The following MYLK3 variants were observed in gnomAD, a reference collection of about 807,000 sequenced individuals.
The protein encoded by MYLK3 is myosin light chain kinase 3.
MYLK3 carries 55 observed loss-of-function variants against 76.3 expected under a neutral mutation model. That is an observed-to-expected ratio of 0.72 (90% CI 0.58 to 0.90). The LOEUF is 0.90. Among genes scored for constraint, MYLK3 ranks in the 40% least tolerant of loss-of-function variants. MYLK3 has a pLI of 0.00. For missense variants in MYLK3, 973 were observed against 1,053.6 expected (o/e 0.92, Z 1.06); for synonymous variants, 416 against 425.4 (o/e 0.98, Z 0.27).
Position 46,740,163 on chromosome 16 carries a change from TA to T in MYLK3, c.478-17del, listed in dbSNP as rs769240540. ...GCTCTTTATTCTAAAATAACAACCA[TA>T]AAAAATGTCATCATTATCATCAACA... On this transcript the variant is annotated splice_polypyrimidine_tract_variant and intron_variant, in intron 1 of 12. Transcript: ENST00000394809. 3.1e-6 allele frequency: 5 copies of T among 1,605,850 alleles called. No homozygotes were observed. In the Admixed American group the frequency reaches 6.7e-5, roughly 21 times the overall value.
intron 3 of MYLK3, among the ~76,000 whole-genome samples, chr16:46,735,308 A>G (rs955717566): frequency 6.6e-6 from 1 of 151,920 alleles, no homozygotes; most frequent in Non-Finnish European, 1.5e-5. Context: ...CAGGTTCAAG[A>G]GATTCTCCTG....
intron 9 of MYLK3, among the ~76,000 whole-genome samples, chr16:46,720,365 AATTTTTGT>A (rs1966787142): frequency 6.6e-6 from 1 of 152,028 alleles, no homozygotes; most frequent in South Asian, 2.1e-4. Flanking sequence ...ATGCTGGGCT[AATTTTTGT>A]ATTTTTTGTA....
chr16:46,748,145 A>G lies in MYLK3; in HGVS notation c.49T>C (p.Leu17=). ...ATGGTTGTTAAGCAGGTCTTGCCCAACCCTGGCAGCCCCCCATGCCCCAGA... is the reference window on the plus strand; with the variant it reads ...ATGGTTGTTAAGCAGGTCTTGCCCAGCCCTGGCAGCCCCCCATGCCCCAGA... ...ESLGHGGLPG[L]GKTCLTTMDT... is the part of the protein sequence containing the mutation. Residue 17 remains leucine (L), a synonymous_variant, in exon 1 of 13, where the codon TTG becomes CTG. Transcript: ENST00000394809. The surrounding 1 kb of genome is among the most constrained non-coding windows in gnomAD (Gnocchi z 4.3). The G allele has an allele frequency of 1.9e-6, 3 of 1,614,110 alleles. No individual in the cohort carries two copies. Among genetic ancestry groups the G allele is most frequent in the Non-Finnish European group, 2.5e-6 (3 of 1,180,000 alleles).
chr16:46,757,614 T>A (rs1033072198), intron 1 of MYLK3: 6 of 985,202 alleles, frequency 6.1e-6, no homozygotes, highest in Non-Finnish European at 2.4e-6. Context: ...CTGGCCAGGA[T>A]GATTTCTCTG....
chr16:46,759,596 T>C (rs1325737154), intron 1 of MYLK3, among the ~76,000 whole-genome samples: 1 of 152,146 alleles, frequency 6.6e-6, no homozygotes, highest in African/African-American at 2.4e-5. Flanking sequence ...TGCAGCTTTC[T>C]TTTCTTTCCT....
chr16:46,747,841 A>T lies in MYLK3; in HGVS notation c.353T>A (p.Val118Glu). Reference protein sequence around the residue: ...GARLEALFRMVAAVDRAIALV... With the variant: ...GARLEALFRMEAAVDRAIALV... ...AGCGATGGCCCTGTCCACCGCAGCCACCATCCTGAAGAGGGCCTCCAGCCT... is the reference window on the plus strand; with the variant it reads ...AGCGATGGCCCTGTCCACCGCAGCCTCCATCCTGAAGAGGGCCTCCAGCCT... The change falls in exon 1 of 13, where the codon GTG becomes GAG. Residue 118 changes from valine (V) to glutamate (E), a missense_variant. Around this residue, in one of 2 missense-constraint regions of MYLK3, gnomAD observed 641 missense variants for 637.0 expected, o/e 1.01. Coordinates refer to ENST00000394809, the MANE Select transcript of MYLK3 (RefSeq NM_182493.3). 6.2e-7 allele frequency: 1 copy of T among 1,614,138 alleles called. No homozygotes were observed. The highest frequency in any genetic ancestry group is 8.5e-7 in the Non-Finnish European group (1 of 1,180,010).
At chr16:46,755,911 T>C (rs1369437228) in intron 1 of MYLK3, among the ~76,000 whole-genome samples, 2 of 140,504 alleles carry the variant, frequency 1.4e-5, no homozygotes, top group African/African-American at 5.2e-5. Flanking sequence ...TCTTTCTTTT[T>C]TTTTTTTTTT....
At chr16:46,757,728 G>A (rs1214314990) in intron 1 of MYLK3, among the ~76,000 whole-genome samples, 1 of 152,238 alleles carries the variant, frequency 6.6e-6, no homozygotes, top group Non-Finnish European at 1.5e-5. Context: ...CTGCCTTGCT[G>A]GGCTCTATCT....
chr16:46,730,474 G>T, intron 5 of MYLK3, 119 bp downstream of exon 5: 1 of 783,334 alleles, frequency 1.3e-6, no homozygotes, highest in East Asian at 2.6e-5. Context: ...CCCCAGCCTT[G>T]GCTCCATCAG....
chr16:46,758,506 T>C (rs1475944273), intron 1 of MYLK3, among the ~76,000 whole-genome samples: 4 of 152,024 alleles, frequency 2.6e-5, no homozygotes, highest in Admixed American at 2.0e-4. Flanking sequence ...GTCATCCCCA[T>C]TTCACAGAGG....
In MYLK3 at chr16:46,727,271, G is replaced by C. The variant is rs1966844518; in HGVS notation, c.1879C>G (p.Leu627Val). 3 of 1,614,122 alleles carry C rather than the reference G, an allele frequency of 1.9e-6. No individual in the cohort carries two copies. In the East Asian group the frequency reaches 6.7e-5, roughly 36 times the overall value. Residue 627 changes from leucine (L) to valine (V), a missense_variant, in exon 8 of 13, where the codon CTG (leucine) becomes GTG (valine). Physicochemically the swap from Leu to Val is conservative, Grantham distance 32 (BLOSUM62 1). This residue lies in a region of MYLK3 where 332 missense variants were observed against 416.6 expected (regional missense o/e 0.80). Coordinates refer to ENST00000394809, the MANE Select transcript of MYLK3 (RefSeq NM_182493.3). The stretch of plus-strand genomic sequence containing the variant: ...AGGTGCAGGATGTAGTGCTGGTGCA[G>C]GTAATGCACACCCTCACAGATCTGC... ...TRQICEGVHY[L>V]HQHYILHLDL...
rs761468758 is a variant in MYLK3 at position 46,710,755 on chromosome 16, C to T, written c.2149G>A (p.Asp717Asn). Residue 717 changes from aspartate to asparagine, a missense_variant, in exon 11 of 13, where the codon GAT becomes AAT. This residue lies in a region of MYLK3 where 332 missense variants were observed against 416.6 expected (regional missense o/e 0.80). Transcript: ENST00000394809. Reference protein sequence around the residue: ...SGLSPFLGETDAETMNFIVNC... With the variant: ...SGLSPFLGETNAETMNFIVNC... Reference sequence around the variant, plus strand: ...ACAATGAAATTCATGGTCTCTGCATCTGTTTCCCCTAGAAATGGGGACAAG... The same window carrying T: ...ACAATGAAATTCATGGTCTCTGCATTTGTTTCCCCTAGAAATGGGGACAAG... The T allele has an allele frequency of 1.2e-6, 2 of 1,613,994 alleles. No homozygotes were observed. Among genetic ancestry groups the T allele is most frequent in the Admixed American group, 1.7e-5 (1 of 60,006 alleles).
intron 10 of MYLK3, among the ~76,000 whole-genome samples, chr16:46,711,273 C>T (rs1214957015): frequency 6.6e-6 from 1 of 152,140 alleles, no homozygotes; most frequent in Non-Finnish European, 1.5e-5. Flanking sequence ...GGGATCTGAA[C>T]TTCCCCAGCC....
rs1280449127 is a variant in MYLK3, at chr16:46,732,583, C to G, written c.1087G>C (p.Glu363Gln). The G allele has an allele frequency of 1.9e-6, 3 of 1,598,338 alleles. No homozygotes were observed. In the African/African-American group the frequency reaches 4.0e-5, roughly 21 times the overall value. The change falls in exon 4 of 13, where the codon GAG (glutamate) becomes CAG (glutamine). Residue 363 changes from glutamate to glutamine, a missense_variant. By Grantham distance (29) the Glu-to-Gln change is conservative (BLOSUM62 2). This residue lies in a region of MYLK3 where 641 missense variants were observed against 637.0 expected (regional missense o/e 1.01). Coordinates refer to ENST00000394809, the MANE Select transcript of MYLK3 (RefSeq NM_182493.3). ...RGSLGPTLTT[E>Q]APAAAQPGKQ... ...CCTGGCTGGGCAGCTGCTGGAGCCT[C>G]TGTGGTGAGGGTGGGTCCAAGGCTG...
chr16:46,748,404 A>C, upstream of MYLK3: 3 of 892,132 alleles, frequency 3.4e-6, no homozygotes, highest in Non-Finnish European at 4.8e-6. This position sits in a 1 kb window ranked among gnomAD's most constrained non-coding sequence, Gnocchi z 4.3. Context: ...CCCACCCTAC[A>C]CGGGCCTGTG....
At chr16:46,714,631 C>G (rs1371037622) in intron 9 of MYLK3, among the ~76,000 whole-genome samples, 1 of 152,224 alleles carries the variant, frequency 6.6e-6, no homozygotes, top group South Asian at 2.1e-4. Flanking sequence ...CATTACTGTT[C>G]CCAGTGCCTC....
chr16:46,711,681 G>C (rs1966685433), intron 10 of MYLK3: 1 of 425,408 alleles, frequency 2.4e-6, no homozygotes, highest in Non-Finnish European at 4.7e-6. Context: ...TTGTACCAAA[G>C]CACCTGCATG....
chr16:46,746,056 G>A (rs74422365), intron 1 of MYLK3, among the ~76,000 whole-genome samples: 3,862 of 151,982 alleles, frequency 0.025, 69 homozygotes, highest in Non-Finnish European at 0.036. Flanking sequence ...ATTTACAGTC[G>A]TGACTCTGTA....
At chr16:46,711,545 C>T in intron 10 of MYLK3, 2 of 303,266 alleles carry the variant, frequency 6.6e-6, no homozygotes, top group Non-Finnish European at 1.3e-5. Flanking sequence ...GTGCCTCATT[C>T]TGTCACCCAG....
Sources: allele counts gnomAD v4.1 joint callset (sites outside exome capture counted in the v4.1 genomes callset), GRCh38; gene constraint gnomAD v4.1.1; regional missense constraint gnomAD v4.1.1; non-coding constraint Gnocchi (gnomAD v3.1); transcripts MANE v1.5; gene names NCBI Gene and HGNC (gene_info 2026-07-23, HGNC 2026-07-21).